The following FUT8 variants were observed in gnomAD, a reference collection of about 807,000 sequenced individuals.
FUT8 encodes fucosyltransferase 8.
In FUT8, 29 loss-of-function variants were observed where a neutral mutation model predicts 71.3. The observed-to-expected ratio is 0.41, with a 90% CI of 0.30 to 0.55. The LOEUF (loss-of-function observed/expected upper bound fraction) is 0.55, where lower values mean the gene tolerates loss of function less well. Ranked by LOEUF, FUT8 falls within the 20% of genes least tolerant of loss-of-function variation. FUT8 has a pLI of 0.34. For synonymous variants in FUT8, 254 were observed against 239.3 expected, an observed-to-expected ratio of 1.06 and a Z score of -0.57; for missense variants, 544 against 702.1, an observed-to-expected ratio of 0.77 and a Z score of 2.55.
At chr14:65,537,873 A>G (rs1023574652) in intron 2 of FUT8, among the ~76,000 whole-genome samples, 19 of 152,154 alleles carry the variant, frequency 1.2e-4, no homozygotes, top group Admixed American at 7.2e-4. Flanking sequence ...GTGCCCTCGG[A>G]CTGCTAGTCA....
chr14:65,495,097 T>C (rs549489208), intron 2 of FUT8, among the ~76,000 whole-genome samples: 139 of 152,010 alleles, frequency 9.1e-4, no homozygotes, highest in Non-Finnish European at 1.7e-3. Context: ...CTGGAACCTT[T>C]CAGAACCTTT....
the FUT8 span, among the ~76,000 whole-genome samples, chr14:65,359,271 G>A: frequency 6.6e-6 from 1 of 152,144 alleles, no homozygotes; most frequent in South Asian, 2.1e-4. Context: ...TCTGCTGCCC[G>A]TCGAAAATGA....
At chr14:65,432,200 C>T (rs1245458533) in intron 1 of FUT8, among the ~76,000 whole-genome samples, 1 of 152,058 alleles carries the variant, frequency 6.6e-6, no homozygotes, top group Non-Finnish European at 1.5e-5. Flanking sequence ...GTTTTTCATT[C>T]TCTAGATTCT....
At chr14:65,678,572 G>A (rs1046666920) in intron 7 of FUT8, among the ~76,000 whole-genome samples, 3 of 152,052 alleles carry the variant, frequency 2.0e-5, no homozygotes, top group African/African-American at 7.2e-5. Flanking sequence ...TGGGAGTAAA[G>A]GGGGGTACTA....
intron 7 of FUT8, among the ~76,000 whole-genome samples, chr14:65,713,035 C>T (rs1174030811): frequency 1.3e-5 from 2 of 152,176 alleles, no homozygotes; most frequent in Non-Finnish European, 2.9e-5. Flanking sequence ...ATTAGCCATC[C>T]TCCCTTACCC....
At chr14:65,679,361 CT>C (rs1380386701) in intron 7 of FUT8, among the ~76,000 whole-genome samples, 1 of 152,196 alleles carries the variant, frequency 6.6e-6, no homozygotes, top group Non-Finnish European at 1.5e-5. Context: ...AGCAATCTTT[CT>C]GCATTCTTTG....
intron 5 of FUT8, among the ~76,000 whole-genome samples, chr14:65,628,908 A>G (rs1173561928): frequency 6.6e-6 from 1 of 152,218 alleles, no homozygotes; most frequent in Non-Finnish European, 1.5e-5. Flanking sequence ...TTTGCATATT[A>G]TCTATGGCAG....
intron 7 of FUT8, among the ~76,000 whole-genome samples, chr14:65,710,745 C>T (rs1230236256): frequency 1.3e-5 from 2 of 152,048 alleles, no homozygotes; most frequent in African/African-American, 2.4e-5. Flanking sequence ...TGTTTTAGCT[C>T]GTTTTGCATT....
chr14:65,393,963 T>C, the FUT8 span, among the ~76,000 whole-genome samples: 1 of 152,024 alleles, frequency 6.6e-6, no homozygotes, highest in African/African-American at 2.4e-5. Flanking sequence ...TTATCATTAT[T>C]ATTATTATTT....
At chr14:65,562,006 A>C (rs1359485264) in intron 3 of FUT8, among the ~76,000 whole-genome samples, 1 of 152,054 alleles carries the variant, frequency 6.6e-6, no homozygotes, top group Non-Finnish European at 1.5e-5. Context: ...CAAATTTGTA[A>C]ACTTTCTTAA....
At chr14:65,398,320 GTATTTGTT>G in the FUT8 span, among the ~76,000 whole-genome samples, 1 of 152,102 alleles carries the variant, frequency 6.6e-6, no homozygotes, top group South Asian at 2.1e-4. Flanking sequence ...CTAATTTTAT[GTATTTGTT>G]TATTTGTTTA....
intron 2 of FUT8, among the ~76,000 whole-genome samples, chr14:65,524,409 T>C (rs1461271150): frequency 2.0e-5 from 3 of 152,200 alleles, no homozygotes; most frequent in Non-Finnish European, 4.4e-5. Context: ...CTTGTGATTT[T>C]TGCACATTGA....
chr14:65,619,476 G>C (rs1889487972), intron 5 of FUT8, among the ~76,000 whole-genome samples: 1 of 152,104 alleles, frequency 6.6e-6, no homozygotes, highest in Non-Finnish European at 1.5e-5. Context: ...AATATCATAA[G>C]TTTGATCTAA....
At chr14:65,474,441 G>GGAAAAAAAAAAAAAAAAAAAAAAAAA (rs2066199474) in intron 2 of FUT8, among the ~76,000 whole-genome samples, 1 of 39,698 alleles carries the variant, frequency 2.5e-5, no homozygotes, top group African/African-American at 1.0e-4. Context: ...TGTCTCTACT[G>GGAAAAAAAAAAAAAAAAAAAAAAAAA]AAAAAAAAAA....
chr14:65,505,433 C>G (rs923380475), intron 2 of FUT8, among the ~76,000 whole-genome samples: 1 of 150,048 alleles, frequency 6.7e-6, no homozygotes, highest in African/African-American at 2.5e-5. Flanking sequence ...CTGCCTCAGC[C>G]TCCCAAGTAG....
At chr14:65,667,282 C>T (rs548586203) in intron 6 of FUT8, among the ~76,000 whole-genome samples, 25 of 151,988 alleles carry the variant, frequency 1.6e-4, no homozygotes, top group Non-Finnish European at 2.6e-4. Context: ...TCCCATATTC[C>T]CTACCCAAAA....
rs1245753962 is a variant in FUT8, at chr14:65,638,826, A to T, written c.597+9220A>T. Among the ~76,000 whole-genome samples, 1 of 152,222 alleles carries T rather than the reference A, an allele frequency of 6.6e-6. No homozygotes were observed. Among genetic ancestry groups the T allele is most frequent in the African/African-American group, 2.4e-5 (1 of 41,454 alleles). Reference sequence around the variant, plus strand: ...TTCTTAGAGTTGTGAATTGTGTTCTACCAAGTAATTCAGATTGCATTTGTA... The same window carrying T: ...TTCTTAGAGTTGTGAATTGTGTTCTTCCAAGTAATTCAGATTGCATTTGTA... On this transcript the variant is annotated intron_variant, in intron 6 of 10. Transcript: ENST00000673929. The surrounding 1 kb of genome is among the most constrained non-coding windows in gnomAD (Gnocchi z 4.5).
chr14:65,549,769 G>A (rs1885182593), intron 2 of FUT8, among the ~76,000 whole-genome samples: 1 of 152,198 alleles, frequency 6.6e-6, no homozygotes, highest in Admixed American at 6.5e-5. Flanking sequence ...AAACACTGTA[G>A]TATCTGACAA....
intron 7 of FUT8, among the ~76,000 whole-genome samples, chr14:65,694,909 G>C (rs1331731398): frequency 9.1e-6 from 1 of 110,342 alleles, no homozygotes; most frequent in Non-Finnish European, 1.8e-5. Flanking sequence ...GGGGGGAGGG[G>C]GGAGGGATAG....
Sources: gnomAD v4.1 joint callset for allele counts (sites outside exome capture counted in the v4.1 genomes callset) on GRCh38, gnomAD v4.1.1 for gene constraint, Gnocchi (gnomAD v3.1) non-coding constraint, MANE v1.5 for transcripts, NCBI Gene and HGNC (gene_info 2026-07-23, HGNC 2026-07-21) for gene names.